The following DLGAP2 variants were observed in gnomAD, a reference collection of about 807,000 sequenced individuals.
DLGAP2 encodes the protein DLG associated protein 2, also known as disks large-associated protein 2.
A neutral mutation model predicts 100.3 loss-of-function variants in DLGAP2; 26 were observed. The observed-to-expected ratio is 0.26, with a 90% CI of 0.19 to 0.36. The LOEUF is 0.36. Ranked by LOEUF, DLGAP2 falls within the 10% of genes least tolerant of loss-of-function variation. The pLI is 1.00. For missense variants in DLGAP2, 1,858 were observed against 1,453.2 expected, an observed-to-expected ratio of 1.28 and a Z score of -4.53; for synonymous variants, 886 against 630.1, an observed-to-expected ratio of 1.41 and a Z score of -6.08.
At chr8:1,066,203 G>A (rs569028229) in intron 2 of DLGAP2, among the ~76,000 whole-genome samples, 1 of 151,454 alleles carries the variant, frequency 6.6e-6, no homozygotes. Context: ...TCTGAGTGAG[G>A]ACAGTTCTCC....
At chr8:1,488,532 C>G (rs1393277271) in intron 3 of DLGAP2, among the ~76,000 whole-genome samples, 1 of 152,174 alleles carries the variant, frequency 6.6e-6, no homozygotes, top group African/African-American at 2.4e-5. Flanking sequence ...AAGCCTGGTC[C>G]TAAGCAGCTC....
Position 903,769 on chromosome 8 carries a change from A to C in DLGAP2, c.19-4143A>C, listed in dbSNP as rs1394763758. Among the ~76,000 whole-genome samples, 11 of 152,126 alleles carry C rather than the reference A, an allele frequency of 7.2e-5. 1 individual carries two copies. Among genetic ancestry groups the C allele is most frequent in the Admixed American group, 7.2e-4 (11 of 15,278 alleles). On this transcript the variant is annotated intron_variant, in intron 1 of 14. Coordinates refer to ENST00000637795, the MANE Select transcript of DLGAP2 (RefSeq NM_001346810.2). ...ATGGAGCCCAGCGCCTCCAGACATG[A>C]CCTTATTTGGAAATAGAGTCTTGGG... is the stretch of plus-strand genomic sequence containing the variant.
At chr8:1,280,072 T>C (rs545449430) in intron 3 of DLGAP2, among the ~76,000 whole-genome samples, 2 of 152,278 alleles carry the variant, frequency 1.3e-5, no homozygotes, top group East Asian at 3.9e-4. Context: ...GGTCTGGAAG[T>C]TTTGAGCTTT....
At chr8:1,424,855 G>A (rs552280459) in intron 3 of DLGAP2, among the ~76,000 whole-genome samples, 2 of 152,224 alleles carry the variant, frequency 1.3e-5, no homozygotes, top group African/African-American at 4.8e-5. Flanking sequence ...AGGTCAGAGG[G>A]AGGCTGCCAG....
intron 6 of DLGAP2, among the ~76,000 whole-genome samples, chr8:1,574,271 G>T (rs1031016707): frequency 2.6e-5 from 4 of 152,168 alleles, no homozygotes. Flanking sequence ...GGTAACGTGA[G>T]ACAGGAGAGC....
intron 3 of DLGAP2, among the ~76,000 whole-genome samples, chr8:1,489,873 G>C (rs1799328160): frequency 6.6e-6 from 1 of 152,044 alleles, no homozygotes; most frequent in Non-Finnish European, 1.5e-5. Flanking sequence ...GCTTTAATTG[G>C]GCATTCCAAG....
In DLGAP2 at chr8:860,455, A is replaced by G. The variant is rs58427647; in HGVS notation, c.19-47457A>G. Among the ~76,000 whole-genome samples, 466 of 152,298 alleles carry G rather than the reference A, an allele frequency of 3.1e-3. 1 individual carries two copies. The highest frequency in any genetic ancestry group is 6.8e-3 in the Middle Eastern group (2 of 294). On this transcript the variant is annotated intron_variant, in intron 1 of 14. Transcript: ENST00000637795. ...CCATCGCCTTGGCTTTTCTGTCCCA[A>G]TGGAATGAATTTCATTGTCCTGGAC...
chr8:748,355 C>T (rs756589817), intron 1 of DLGAP2, among the ~76,000 whole-genome samples: 32 of 151,904 alleles, frequency 2.1e-4, no homozygotes, highest in Non-Finnish European at 3.8e-4. Flanking sequence ...GTCTCTGTCT[C>T]GCTCCTCCAA....
At chr8:1,068,620 G>A (rs1033421239) in intron 2 of DLGAP2, among the ~76,000 whole-genome samples, 2 of 152,172 alleles carry the variant, frequency 1.3e-5, no homozygotes, top group African/African-American at 4.8e-5. Context: ...AAGGATGGAC[G>A]CACAGGAGCG....
At chr8:1,504,091 T>G (rs914317010) in intron 4 of DLGAP2, among the ~76,000 whole-genome samples, 3 of 151,986 alleles carry the variant, frequency 2.0e-5, no homozygotes, top group African/African-American at 7.3e-5. Context: ...TGGTTCTATG[T>G]CAGTCAGGAT....
chr8:1,682,033 A>G lies in DLGAP2; in HGVS notation c.2704+3404A>G, dbSNP rs959746756. On this transcript the variant is annotated intron_variant, in intron 12 of 14. Coordinates refer to ENST00000637795, the MANE Select transcript of DLGAP2 (RefSeq NM_001346810.2). ...CCCACGGTCCAAAGGCATCAAGTCAAGAAGTTCCCTTATGGGAAGCACCCC... is the reference window on the plus strand; with the variant it reads ...CCCACGGTCCAAAGGCATCAAGTCAGGAAGTTCCCTTATGGGAAGCACCCC... 2.0e-4 allele frequency among the ~76,000 whole-genome samples: 31 copies of G among 152,220 alleles called. 1 individual carries two copies. The highest frequency in any genetic ancestry group is 1.5e-5 in the Non-Finnish European group (1 of 68,048).
chr8:1,545,687 T>C (rs1009774650), intron 4 of DLGAP2, among the ~76,000 whole-genome samples: 1 of 152,234 alleles, frequency 6.6e-6, no homozygotes, highest in Non-Finnish European at 1.5e-5. Context: ...GTCATTATTG[T>C]GATAATATTT....
intron 4 of DLGAP2, among the ~76,000 whole-genome samples, chr8:1,526,163 G>A (rs1013972010): frequency 1.3e-5 from 2 of 150,942 alleles, no homozygotes; most frequent in African/African-American, 2.4e-5. Context: ...GTTCCCAACG[G>A]GCTTCAGTTC....
At chr8:1,106,069 T>A in intron 2 of DLGAP2, among the ~76,000 whole-genome samples, 1 of 142,728 alleles carries the variant, frequency 7.0e-6, no homozygotes, top group East Asian at 2.0e-4. Flanking sequence ...GGTTTTCTAT[T>A]GAGGGGAGCC....
At chr8:1,213,658 C>G (rs185220740) in intron 2 of DLGAP2, among the ~76,000 whole-genome samples, 1 of 152,266 alleles carries the variant, frequency 6.6e-6, no homozygotes, top group East Asian at 1.9e-4. Flanking sequence ...TCTCTGGGCT[C>G]TGATCCAGGT....
intron 1 of DLGAP2, among the ~76,000 whole-genome samples, chr8:866,884 T>C (rs1797508377): frequency 6.6e-6 from 1 of 152,204 alleles, no homozygotes. Flanking sequence ...GGTGTTCTCC[T>C]GTCGCCCCAA....
intron 2 of DLGAP2, among the ~76,000 whole-genome samples, chr8:984,558 C>A (rs1800432877): frequency 6.6e-6 from 1 of 152,160 alleles, no homozygotes; most frequent in Non-Finnish European, 1.5e-5. Context: ...ATCTTCCCTG[C>A]AAAGATTGTG....
intron 1 of DLGAP2, chr8:740,110 C>G (rs1470887378): frequency 6.6e-6 from 1 of 152,170 alleles, no homozygotes; most frequent in African/African-American, 2.4e-5. Context: ...CTCTGTTGAT[C>G]TACCGCGTCA....
At chr8:1,528,510 A>G (rs1418177132) in intron 4 of DLGAP2, among the ~76,000 whole-genome samples, 1 of 152,240 alleles carries the variant, frequency 6.6e-6, no homozygotes, top group Non-Finnish European at 1.5e-5. Flanking sequence ...GCAGCTAGGA[A>G]CTTGACAGAA....
Sources: gnomAD v4.1 joint callset for allele counts (sites outside exome capture counted in the v4.1 genomes callset) on GRCh38, gnomAD v4.1.1 for gene constraint, MANE v1.5 for transcripts, NCBI Gene and HGNC (gene_info 2026-07-23, HGNC 2026-07-21) for gene names.